CACNA2D3: variants seen among roughly 807,000 people sequenced by gnomAD.
CACNA2D3 encodes the protein calcium voltage-gated channel auxiliary subunit alpha2delta 3, also known as voltage-dependent calcium channel subunit alpha-2/delta-3.
Under a neutral mutation model 160.6 loss-of-function variants are expected in CACNA2D3, and 60 were observed. The observed-to-expected ratio is 0.37, with a 90% CI of 0.30 to 0.46. The LOEUF (loss-of-function observed/expected upper bound fraction) is 0.46, where lower values mean the gene tolerates loss of function less well. Ranked by LOEUF, CACNA2D3 falls within the 20% of genes least tolerant of loss-of-function variation. CACNA2D3 has a pLI of 1.00. For missense variants in CACNA2D3, 1,205 were observed against 1,365.0 expected (o/e 0.88, Z 1.85); for synonymous variants, 558 against 492.9 (o/e 1.13, Z -1.75).
intron 11 of CACNA2D3, among the ~76,000 whole-genome samples, chr3:54,644,623 A>C (rs1295632792): frequency 1.3e-5 from 2 of 152,230 alleles, no homozygotes; most frequent in African/African-American, 2.4e-5. Context: ...AAAATGGGAA[A>C]TGGGTTCAGG....
chr3:54,318,898 C>G (rs1316686837), intron 2 of CACNA2D3, among the ~76,000 whole-genome samples: 1 of 152,032 alleles, frequency 6.6e-6, no homozygotes, highest in African/African-American at 2.4e-5. Context: ...GAGACTGGGT[C>G]TCACTATGTT....
At chr3:54,317,980 G>A (rs1703905360) in intron 2 of CACNA2D3, among the ~76,000 whole-genome samples, 1 of 152,160 alleles carries the variant, frequency 6.6e-6, no homozygotes, top group African/African-American at 2.4e-5. Context: ...TACTGTATTG[G>A]GGATTAAGTT....
intron 25 of CACNA2D3, chr3:54,894,573 A>G (rs532117752): frequency 1.1e-4 from 55 of 512,420 alleles, no homozygotes; most frequent in Non-Finnish European, 7.8e-5. Context: ...TGTGCTGCAT[A>G]GACAGGGCAC....
rs185955218 is a variant in CACNA2D3 at position 54,305,795 on chromosome 3, A to T, written c.205-14647A>T. Among the ~76,000 whole-genome samples, 1,297 of 152,366 alleles carry T rather than the reference A, an allele frequency of 8.5e-3. 9 individuals are homozygous for T. Among genetic ancestry groups the T allele is most frequent in the Non-Finnish European group, 0.013 (881 of 68,036 alleles). On this transcript the variant is annotated intron_variant, in intron 2 of 37. Transcript: ENST00000474759. ...ACATCTTTTACTTTCACTAACCTCT[A>T]ACCAAAACATATGACTTTCTTAACT...
chr3:54,125,207 C>G (rs772742629), intron 2 of CACNA2D3, among the ~76,000 whole-genome samples: 2 of 151,210 alleles, frequency 1.3e-5, no homozygotes, highest in Non-Finnish European at 2.9e-5. Flanking sequence ...TTTCTAGGAA[C>G]ACATTAAATA....
chr3:54,702,302 T>TATCA (rs1700782541), intron 11 of CACNA2D3, among the ~76,000 whole-genome samples: 2 of 152,100 alleles, frequency 1.3e-5, no homozygotes, highest in African/African-American at 4.8e-5. Flanking sequence ...CAAAAGAAGT[T>TATCA]ATCAACAAAG....
At chr3:54,857,673 G>A (rs569439872) in intron 17 of CACNA2D3, among the ~76,000 whole-genome samples, 1 of 152,176 alleles carries the variant, frequency 6.6e-6, no homozygotes, top group African/African-American at 2.4e-5. Flanking sequence ...CTTGAATCCT[G>A]TTCTCAGGGA....
chr3:54,282,536 A>C (rs567058648), intron 2 of CACNA2D3, among the ~76,000 whole-genome samples: 37 of 152,208 alleles, frequency 2.4e-4, no homozygotes, highest in Admixed American at 4.6e-4. Context: ...GAAACTTAGA[A>C]GTCTTCATGT....
At chr3:54,425,095 T>C (rs1419894582) in intron 4 of CACNA2D3, among the ~76,000 whole-genome samples, 1 of 152,180 alleles carries the variant, frequency 6.6e-6, no homozygotes, top group Non-Finnish European at 1.5e-5. Context: ...TTTGGGAGGC[T>C]GAGGCAGGTG....
intron 11 of CACNA2D3, among the ~76,000 whole-genome samples, chr3:54,667,827 C>T (rs1180655750): frequency 6.6e-6 from 1 of 151,792 alleles, no homozygotes; most frequent in Non-Finnish European, 1.5e-5. Flanking sequence ...CATGCCTGTT[C>T]TCCCAGCTAC....
At chr3:54,653,641 G>C (rs1211562821) in intron 11 of CACNA2D3, among the ~76,000 whole-genome samples, 1 of 152,212 alleles carries the variant, frequency 6.6e-6, no homozygotes, top group African/African-American at 2.4e-5. Context: ...TAGACATCTT[G>C]TGACTCCAGC....
intron 27 of CACNA2D3, among the ~76,000 whole-genome samples, chr3:54,940,635 A>G (rs1308343406): frequency 6.6e-6 from 1 of 152,124 alleles, no homozygotes; most frequent in Admixed American, 6.5e-5. Context: ...AGTGAACATC[A>G]CTAGTTTTCT....
chr3:54,207,069 C>A (rs910996114), intron 2 of CACNA2D3, among the ~76,000 whole-genome samples: 1 of 152,204 alleles, frequency 6.6e-6, no homozygotes, highest in Non-Finnish European at 1.5e-5. Flanking sequence ...AGGCCTGCTT[C>A]TGCTGCCACT....
At chr3:54,608,340 A>G (rs1474156355) in intron 9 of CACNA2D3, among the ~76,000 whole-genome samples, 3 of 152,218 alleles carry the variant, frequency 2.0e-5, no homozygotes, top group African/African-American at 4.8e-5. Flanking sequence ...TTATTTTTTA[A>G]AAGGCTTTAA....
intron 9 of CACNA2D3, among the ~76,000 whole-genome samples, chr3:54,584,512 A>C (rs1426445634): frequency 6.6e-6 from 1 of 152,170 alleles, no homozygotes; most frequent in Non-Finnish European, 1.5e-5. Context: ...ACTGGACCAA[A>C]ATGAACAGTC....
At chr3:54,302,517 T>G (rs562035782) in intron 2 of CACNA2D3, among the ~76,000 whole-genome samples, 1 of 152,290 alleles carries the variant, frequency 6.6e-6, no homozygotes, top group African/African-American at 2.4e-5. Flanking sequence ...CTCTTCTAAT[T>G]CTTGATCTCG....
intron 9 of CACNA2D3, among the ~76,000 whole-genome samples, chr3:54,612,846 T>C (rs900579611): frequency 6.6e-6 from 1 of 152,168 alleles, no homozygotes; most frequent in Non-Finnish European, 1.5e-5. Context: ...CAGTCTACAG[T>C]GGCAGACAAG....
At chr3:54,932,225 A>G (rs1010597657) in intron 27 of CACNA2D3, among the ~76,000 whole-genome samples, 6 of 152,290 alleles carry the variant, frequency 3.9e-5, no homozygotes, top group Middle Eastern at 3.4e-3. Flanking sequence ...AACTAAATAT[A>G]CCCATCTGGG....
intron 35 of CACNA2D3, among the ~76,000 whole-genome samples, chr3:55,038,160 C>T (rs358493): frequency 0.45 from 68,719 of 152,042 alleles, 17,596 homozygotes; most frequent in African/African-American, 0.71. Context: ...CTGTAATAGT[C>T]GGAAAATTTG....
Sources: gnomAD v4.1 joint callset for allele counts (sites outside exome capture counted in the v4.1 genomes callset) on GRCh38, gnomAD v4.1.1 for gene constraint, MANE v1.5 for transcripts, NCBI Gene and HGNC (gene_info 2026-07-23, HGNC 2026-07-21) for gene names.